Variants in HOXB1 observed in about 807,000 individuals in gnomAD.
HOXB1 encodes homeobox B1, also known as homeobox protein Hox-B1.
Under a neutral mutation model 26.9 loss-of-function variants are expected in HOXB1, and 13 were observed. The ratio of observed to expected loss-of-function variants is 0.48; its 90% CI spans 0.31 to 0.77. The LOEUF (loss-of-function observed/expected upper bound fraction) is 0.77. Ranked by LOEUF, HOXB1 falls within the 30% of genes least tolerant of loss-of-function variation. The probability of loss-of-function intolerance (pLI) is 0.04; values close to 1 mark genes in which losing one functional copy is unlikely to be tolerated. For synonymous variants in HOXB1, 168 were observed against 170.8 expected (o/e 0.98, Z 0.13); for missense variants, 366 against 403.6 (o/e 0.91, Z 0.80).
chr17:48,530,243 C>A lies in HOXB1; in HGVS notation c.577+85G>T. 8.0e-7 allele frequency: 1 copy of A among 1,253,170 alleles called. No homozygotes were observed. The highest frequency in any genetic ancestry group is 2.5e-5 in the East Asian group (1 of 39,852). 77.6% of individuals were successfully genotyped at this position (1,253,170 alleles called of 1,614,324 possible). On this transcript the variant is annotated intron_variant, in intron 1 of 1. Transcript: ENST00000239174. This position sits in a 1 kb window ranked among gnomAD's most constrained non-coding sequence, Gnocchi z 6.2. ...ACCAGAGCCGCTGAAAGAGAAGAACCCAGCCCAGACCCAGGACATGTCACT... is the reference window on the plus strand; with the variant it reads ...ACCAGAGCCGCTGAAAGAGAAGAACACAGCCCAGACCCAGGACATGTCACT...
In HOXB1 at chr17:48,529,835, G is replaced by A; in HGVS notation, c.618C>T (p.Leu206=). ...GCTGCCTTGTGGTGAAGTTGGTGCGGAGGCCACTGGGCGAGCCCAGGCCTG... is the reference window on the plus strand; with the variant it reads ...GCTGCCTTGTGGTGAAGTTGGTGCGAAGGCCACTGGGCGAGCCCAGGCCTG... ...SEPGLGSPSG[L]RTNFTTRQLT... Residue 206 remains leucine (L), a synonymous_variant, in exon 2 of 2, where the codon CTC becomes CTT. Coordinates refer to ENST00000239174, the MANE Select transcript of HOXB1 (RefSeq NM_002144.4). 6.3e-7 allele frequency: 1 copy of A among 1,597,706 alleles called. No homozygotes were observed. Among genetic ancestry groups the A allele is most frequent in the Non-Finnish European group, 8.5e-7 (1 of 1,177,558 alleles).
chr17:48,530,209 C>T lies in HOXB1; in HGVS notation c.577+119G>A, dbSNP rs1229818272. On this transcript the variant is annotated intron_variant, in intron 1 of 1. Transcript: ENST00000239174. The surrounding 1 kb of genome is among the most constrained non-coding windows in gnomAD (Gnocchi z 6.2). ...ACCTGAGACGTAGGTTGTGCTCTTA[C>T]CTGTGTCTACCAGAGCCGCTGAAAG... 2 of 884,264 alleles carry T rather than the reference C, an allele frequency of 2.3e-6. No homozygotes were observed. The highest frequency in any genetic ancestry group is 1.7e-5 in the African/African-American group (1 of 59,720). 54.8% of individuals were successfully genotyped at this position (884,264 alleles called of 1,614,324 possible). A position where few individuals can be genotyped will look rare whatever the true frequency, so the allele number is the denominator to read the frequency against.
chr17:48,529,434 TA>T lies in HOXB1; in HGVS notation c.*112del. ...CAGCTCTAAACTGGCATTTCAGCCC[TA>T]GAGAGGATCCCCAGGCCAGTGAAGC... On this transcript the variant is annotated 3_prime_UTR_variant, in exon 2 of 2. Coordinates refer to ENST00000239174, the MANE Select transcript of HOXB1 (RefSeq NM_002144.4). 1.5e-6 allele frequency: 1 copy of T among 685,322 alleles called. No individual in the cohort carries two copies. The highest frequency in any genetic ancestry group is 2.3e-6 in the Non-Finnish European group (1 of 443,930). The allele number at this position is 685,322 out of a possible 1,614,324, so 42.5% of individuals were successfully genotyped here.
In HOXB1 at chr17:48,529,295, G is replaced by A. The variant is rs2068417696; in HGVS notation, c.*252C>T. On this transcript the variant is annotated 3_prime_UTR_variant, in exon 2 of 2. Transcript: ENST00000239174. ...GCTGATCCCCAGATCAAAGGCAGAAGCCCTTCCCTCTACATTTGACAGGTT... is the reference window on the plus strand; with the variant it reads ...GCTGATCCCCAGATCAAAGGCAGAAACCCTTCCCTCTACATTTGACAGGTT... The A allele has an allele frequency of 5.5e-6, 2 of 364,808 alleles. No homozygotes were observed. Among genetic ancestry groups the A allele is most frequent in the Non-Finnish European group, 9.8e-6 (2 of 203,390 alleles). 22.6% of individuals were successfully genotyped at this position (364,808 alleles called of 1,614,324 possible). A position where few individuals can be genotyped will look rare whatever the true frequency, so the allele number is the denominator to read the frequency against.
Position 48,530,292 on chromosome 17 carries a change from G to A in HOXB1, c.577+36C>T. On this transcript the variant is annotated intron_variant, in intron 1 of 1. Coordinates refer to ENST00000239174, the MANE Select transcript of HOXB1 (RefSeq NM_002144.4). The surrounding 1 kb of genome is among the most constrained non-coding windows in gnomAD (Gnocchi z 6.2). ...CTGCAGGGGAAGCAGAGATGCTTTG[G>A]GCCCCGGAGAAGGGGTGGCCACATC... The A allele has an allele frequency of 6.4e-7, 1 of 1,556,138 alleles. No homozygotes were observed. Among genetic ancestry groups the A allele is most frequent in the Non-Finnish European group, 8.8e-7 (1 of 1,134,114 alleles).
Position 48,530,654 on chromosome 17 carries a change from TAC to T in HOXB1, c.249_250del (p.Tyr84CysfsTer74). The T allele has an allele frequency of 6.2e-7, 1 of 1,613,794 alleles. No individual in the cohort carries two copies. Among genetic ancestry groups the T allele is most frequent in the Non-Finnish European group, 8.5e-7 (1 of 1,179,954 alleles). The stretch of plus-strand genomic sequence containing the variant: ...GCTGGGGCTGCAGGCGGCAGGAGCA[TAC>T]CCCGAGGGCGCGGAGCTGGGGAAGG... On this transcript the variant is annotated frameshift_variant, in exon 1 of 2. Coordinates refer to ENST00000239174, the MANE Select transcript of HOXB1 (RefSeq NM_002144.4). LOFTEE classifies it high-confidence loss of function. This position sits in a 1 kb window ranked among gnomAD's most constrained non-coding sequence, Gnocchi z 6.2.
In HOXB1 at chr17:48,530,674, G is replaced by A; in HGVS notation, c.231C>T (p.Pro77=). 6.2e-7 allele frequency: 1 copy of A among 1,613,506 alleles called. No homozygotes were observed. The highest frequency in any genetic ancestry group is 8.5e-7 in the Non-Finnish European group (1 of 1,179,852). Residue 77 remains proline (P), a synonymous_variant, in exon 1 of 2, where the codon CCC becomes CCT. Transcript: ENST00000239174. This position sits in a 1 kb window ranked among gnomAD's most constrained non-coding sequence, Gnocchi z 6.2. ...QPPSTLGVPF[P]SSAPSGYAPA... ...GAGCATACCCCGAGGGCGCGGAGCT[G>A]GGGAAGGGCACCCCCAGGGTCGAAG...
Position 48,529,388 on chromosome 17 carries a change from A to C in HOXB1, c.*159T>G. 3.0e-5 allele frequency: 14 copies of C among 470,596 alleles called. No individual in the cohort carries two copies. Among genetic ancestry groups the C allele is most frequent in the Admixed American group, 3.9e-5 (1 of 25,782 alleles). 29.2% of individuals were successfully genotyped at this position (470,596 alleles called of 1,614,324 possible). A position where few individuals can be genotyped will look rare whatever the true frequency, so the allele number is the denominator to read the frequency against. On this transcript the variant is annotated 3_prime_UTR_variant, in exon 2 of 2. Transcript: ENST00000239174. ...CCAGGTCTGAGAAAAATGTTTCCCC[A>C]TCCCCCCTCCCACCCCCAGGCAGCT... is the stretch of plus-strand genomic sequence containing the variant.
Position 48,531,003 on chromosome 17 carries a change from G to A in HOXB1, c.-99C>T. 2 of 828,918 alleles carry A rather than the reference G, an allele frequency of 2.4e-6. No individual in the cohort carries two copies. Among genetic ancestry groups the A allele is most frequent in the Non-Finnish European group, 3.7e-6 (2 of 542,910 alleles). 51.3% of individuals were successfully genotyped at this position (828,918 alleles called of 1,614,324 possible). On this transcript the variant is annotated 5_prime_UTR_variant, in exon 1 of 2. Coordinates refer to ENST00000239174, the MANE Select transcript of HOXB1 (RefSeq NM_002144.4). ...CACAGCGCTGGGGCTCGAATCCATG[G>A]CCTGACCCGCTCGCCTGGGCAAGCG...
At position 48,528,884 on chromosome 17, in the gene HOXB1, A is replaced by G. The variant is rs2068413772; in HGVS notation, c.*663T>C. 1 of 152,206 alleles carries G rather than the reference A, an allele frequency of 6.6e-6. No individual in the cohort carries two copies. Among genetic ancestry groups the G allele is most frequent in the African/African-American group, 2.4e-5 (1 of 41,420 alleles). 9.4% of individuals were successfully genotyped at this position (152,206 alleles called of 1,614,324 possible). ...TCCAAAACACTTTGGTGACATAGTG[A>G]TGAGGTCGCTGGTGTGAGGAGGCAG... On this transcript the variant is annotated 3_prime_UTR_variant, in exon 2 of 2. Coordinates refer to ENST00000239174, the MANE Select transcript of HOXB1 (RefSeq NM_002144.4).
Position 48,530,664 on chromosome 17 carries a change from G to T in HOXB1, c.241C>A (p.Pro81Thr), listed in dbSNP as rs776614578. 6.2e-7 allele frequency: 1 copy of T among 1,613,678 alleles called. No individual in the cohort carries two copies. Among genetic ancestry groups the T allele is most frequent in the Non-Finnish European group, 8.5e-7 (1 of 1,179,920 alleles). Residue 81 changes from proline (P) to threonine (T), a missense_variant, in exon 1 of 2, where the codon CCC becomes ACC. Physicochemically the swap from Pro to Thr is conservative, Grantham distance 38 (BLOSUM62 -1). Transcript: ENST00000239174. The surrounding 1 kb of genome is among the most constrained non-coding windows in gnomAD (Gnocchi z 6.2). ...TLGVPFPSSAPSGYAPAACSP... is the reference protein window; with the variant it reads ...TLGVPFPSSATSGYAPAACSP... ...CAGGCGGCAGGAGCATACCCCGAGG[G>T]CGCGGAGCTGGGGAAGGGCACCCCC...
chr17:48,529,732 C>G lies in HOXB1; in HGVS notation c.721G>C (p.Glu241Gln), dbSNP rs2068422052. 6.2e-7 allele frequency: 1 copy of G among 1,612,414 alleles called. No homozygotes were observed. The highest frequency in any genetic ancestry group is 1.7e-4 in the Middle Eastern group (1 of 6,058). ...ARRVEIAATL[E>Q]LNETQVKIWF... The stretch of plus-strand genomic sequence containing the variant: ...ATCTTGACCTGTGTTTCATTGAGCT[C>G]CAGGGTGGCGGCAATCTCCACCCTC... The change falls in exon 2 of 2, where the codon GAG becomes CAG. Residue 241 changes from glutamate (E) to glutamine (Q), a missense_variant. Glu to Gln is a conservative substitution (Grantham distance 29, BLOSUM62 2). Transcript: ENST00000239174.
In HOXB1 at chr17:48,530,486, T is replaced by C. The variant is rs530881737; in HGVS notation, c.419A>G (p.Gln140Arg). The change falls in exon 1 of 2, where the codon CAG becomes CGG. Residue 140 changes from glutamine to arginine, a missense_variant. Coordinates refer to ENST00000239174, the MANE Select transcript of HOXB1 (RefSeq NM_002144.4). This position sits in a 1 kb window ranked among gnomAD's most constrained non-coding sequence, Gnocchi z 6.2. Reference protein sequence around the residue: ...GGAGPGPYPPQHPPYGNEQTA... With the variant: ...GGAGPGPYPPRHPPYGNEQTA... ...CTGCTCGTTCCCATAAGGGGGATGC[T>C]GCGGAGGATATGGCCCCGGACCGGC... 3.1e-6 allele frequency: 5 copies of C among 1,614,066 alleles called. No homozygotes were observed. In the South Asian group the frequency reaches 3.3e-5, roughly 11 times the overall value.
chr17:48,530,035 C>A lies in HOXB1; in HGVS notation c.578-160G>T. On this transcript the variant is annotated intron_variant, in intron 1 of 1. Transcript: ENST00000239174. This position sits in a 1 kb window ranked among gnomAD's most constrained non-coding sequence, Gnocchi z 6.2. ...CACCAGGTACCCCCATGGTGATCAC[C>A]AAGTCTGGAGCAGCCTTCCCCATAC... 1 of 661,364 alleles carries A rather than the reference C, an allele frequency of 1.5e-6. No individual in the cohort carries two copies. Among genetic ancestry groups the A allele is most frequent in the Non-Finnish European group, 2.6e-6 (1 of 391,828 alleles). 41.0% of individuals were successfully genotyped at this position (661,364 alleles called of 1,614,324 possible).
chr17:48,529,673 C>G lies in HOXB1; in HGVS notation c.780G>C (p.Lys260Asn), dbSNP rs758961981. The change falls in exon 2 of 2, where the codon AAG becomes AAC. Residue 260 changes from lysine to asparagine, a missense_variant. Transcript: ENST00000239174. The part of the protein sequence containing the change: ...WFQNRRMKQK[K>N]REREEGRVPP... ...GGACCCGACCTTCCTCTCGCTCGCGCTTCTTCTGCTTCATTCGTCGGTTCT... is the reference window on the plus strand; with the variant it reads ...GGACCCGACCTTCCTCTCGCTCGCGGTTCTTCTGCTTCATTCGTCGGTTCT... 4 of 1,612,890 alleles carry G rather than the reference C, an allele frequency of 2.5e-6. No individual in the cohort carries two copies. In the South Asian group the frequency reaches 3.3e-5, roughly 13 times the overall value.
chr17:48,530,315 A>G lies in HOXB1; in HGVS notation c.577+13T>C. The G allele has an allele frequency of 6.2e-7, 1 of 1,610,122 alleles. No individual in the cohort carries two copies. The highest frequency in any genetic ancestry group is 8.5e-7 in the Non-Finnish European group (1 of 1,177,518). ...TGGGCCCCGGAGAAGGGGTGGCCACATCTGAGCCCTACCTGTCTTGGGTGG... is the reference window on the plus strand; with the variant it reads ...TGGGCCCCGGAGAAGGGGTGGCCACGTCTGAGCCCTACCTGTCTTGGGTGG... On this transcript the variant is annotated intron_variant, in intron 1 of 1. Coordinates refer to ENST00000239174, the MANE Select transcript of HOXB1 (RefSeq NM_002144.4). The surrounding 1 kb of genome is among the most constrained non-coding windows in gnomAD (Gnocchi z 6.2).
In HOXB1 at chr17:48,529,288, G is replaced by T; in HGVS notation, c.*259C>A. ...ACACTGAGCTGATCCCCAGATCAAA[G>T]GCAGAAGCCCTTCCCTCTACATTTG... On this transcript the variant is annotated 3_prime_UTR_variant, in exon 2 of 2. Coordinates refer to ENST00000239174, the MANE Select transcript of HOXB1 (RefSeq NM_002144.4). 2.8e-6 allele frequency: 1 copy of T among 353,036 alleles called. No homozygotes were observed. The highest frequency in any genetic ancestry group is 5.1e-6 in the Non-Finnish European group (1 of 196,188). 21.9% of individuals were successfully genotyped at this position (353,036 alleles called of 1,614,324 possible).
intron 1 of HOXB1, 82 bp from the exon 2 acceptor site, chr17:48,529,957 T>G: frequency 8.1e-7 from 1 of 1,240,470 alleles, no homozygotes; most frequent in South Asian, 1.4e-5. Context: ...GGGCTGGCTC[T>G]GGACCTCCAT....
rs1474149158 is a variant in HOXB1, at chr17:48,530,682, G to A, written c.223C>T (p.Pro75Ser). The A allele has an allele frequency of 1.2e-6, 2 of 1,613,306 alleles. No homozygotes were observed. The highest frequency in any genetic ancestry group is 1.7e-6 in the Non-Finnish European group (2 of 1,179,786). ...AQQPPSTLGV[P>S]FPSSAPSGYA... ...CCCGAGGGCGCGGAGCTGGGGAAGGGCACCCCCAGGGTCGAAGGCGGCTGC... is the reference window on the plus strand; with the variant it reads ...CCCGAGGGCGCGGAGCTGGGGAAGGACACCCCCAGGGTCGAAGGCGGCTGC... The change falls in exon 1 of 2, where the codon CCC becomes TCC. Residue 75 changes from proline to serine, a missense_variant. Transcript: ENST00000239174. The surrounding 1 kb of genome is among the most constrained non-coding windows in gnomAD (Gnocchi z 6.2).
Sources: allele counts gnomAD v4.1 joint callset, GRCh38; gene constraint gnomAD v4.1.1; non-coding constraint Gnocchi (gnomAD v3.1); transcripts MANE v1.5; gene names NCBI Gene and HGNC (gene_info 2026-07-23, HGNC 2026-07-21).